HTR4: variants seen among roughly 807,000 people sequenced by gnomAD.
HTR4 encodes the protein 5-hydroxytryptamine (serotonin) receptor 4, G protein-coupled.
A neutral mutation model predicts 36.8 loss-of-function variants in HTR4; 16 were observed. That is an observed-to-expected ratio of 0.43 (90% CI 0.29 to 0.66). The LOEUF (loss-of-function observed/expected upper bound fraction) is 0.66, where lower values mean the gene tolerates loss of function less well. Ranked by LOEUF, HTR4 falls within the 30% of genes least tolerant of loss-of-function variation. HTR4 has a pLI of 0.13. For synonymous variants in HTR4, 189 were observed against 185.1 expected (o/e 1.02, Z -0.17); for missense variants, 438 against 490.9 (o/e 0.89, Z 1.02).
chr5:148,516,346 G>T (rs1757751825), intron 5 of HTR4, among the ~76,000 whole-genome samples: 1 of 111,310 alleles, frequency 9.0e-6, no homozygotes, highest in Non-Finnish European at 1.7e-5. Context: ...TTGAGACTAG[G>T]TCTTGCTGTG....
At chr5:148,462,222 A>C (rs1218940538) in intron 5 of HTR4, among the ~76,000 whole-genome samples, 1 of 152,038 alleles carries the variant, frequency 6.6e-6, no homozygotes, top group Non-Finnish European at 1.5e-5. Context: ...TCAATAAAAC[A>C]AAAAGCTAGT....
At chr5:148,526,687 A>G (rs1023002294) in intron 4 of HTR4, among the ~76,000 whole-genome samples, 1 of 152,200 alleles carries the variant, frequency 6.6e-6, no homozygotes, top group African/African-American at 2.4e-5. Context: ...ATGGGATATT[A>G]TTCCATCATA....
At chr5:148,596,511 T>C (rs1761780937) in intron 2 of HTR4, among the ~76,000 whole-genome samples, 1 of 152,180 alleles carries the variant, frequency 6.6e-6, no homozygotes, top group African/African-American at 2.4e-5. Context: ...TTCCCAATGC[T>C]GGCATTTTGG....
At chr5:148,527,000 A>G (rs1286924314) in intron 4 of HTR4, among the ~76,000 whole-genome samples, 2 of 152,222 alleles carry the variant, frequency 1.3e-5, no homozygotes, top group Admixed American at 6.5e-5. Flanking sequence ...CACTTATTGT[A>G]TCTTTCAAAA....
At chr5:148,464,002 A>G (rs1481379623) in intron 5 of HTR4, among the ~76,000 whole-genome samples, 2 of 150,280 alleles carry the variant, frequency 1.3e-5, no homozygotes, top group African/African-American at 4.9e-5. Flanking sequence ...TCTTGTCAAC[A>G]CATAGTGGTA....
chr5:148,514,386 T>C (rs1057314417), intron 5 of HTR4, among the ~76,000 whole-genome samples: 1 of 152,294 alleles, frequency 6.6e-6, no homozygotes, highest in Admixed American at 6.5e-5. Context: ...CCTTTTTTTA[T>C]TGATGCAATG....
intron 1 of HTR4, among the ~76,000 whole-genome samples, chr5:148,648,426 G>A (rs1481980704): frequency 2.0e-5 from 3 of 152,172 alleles, no homozygotes; most frequent in Non-Finnish European, 4.4e-5. Context: ...GCCCACTGAA[G>A]CATCAGAGTC....
chr5:148,507,679 C>T (rs1003032821), intron 6 of HTR4, among the ~76,000 whole-genome samples: 7 of 151,790 alleles, frequency 4.6e-5, no homozygotes, highest in East Asian at 1.9e-4. Context: ...GATTACCAGA[C>T]GCAGCAGGAT....
chr5:148,616,473 A>G (rs1238044451), intron 2 of HTR4, among the ~76,000 whole-genome samples: 1 of 152,136 alleles, frequency 6.6e-6, no homozygotes, highest in African/African-American at 2.4e-5. Context: ...CTGATAAATT[A>G]CAAGGGCATG....
chr5:148,588,498 G>A (rs1454545125), intron 2 of HTR4, among the ~76,000 whole-genome samples: 2 of 148,396 alleles, frequency 1.3e-5, no homozygotes, highest in Non-Finnish European at 3.0e-5. Flanking sequence ...CTAAAAGTCA[G>A]TGTATATCAT....
intron 2 of HTR4, among the ~76,000 whole-genome samples, chr5:148,572,154 T>A (rs908276570): frequency 6.6e-6 from 1 of 152,138 alleles, no homozygotes; most frequent in Admixed American, 6.6e-5. Context: ...CTGTGGCAGC[T>A]TTCCAAGATT....
rs1406713664 is a variant in HTR4, at chr5:148,639,904, A to G, written c.-47-2843T>C. Among the ~76,000 whole-genome samples, 5 of 152,160 alleles carry G rather than the reference A, an allele frequency of 3.3e-5. No individual in the cohort carries two copies. The East Asian group carries it at 9.6e-4, about 29-fold the overall frequency. On this transcript the variant is annotated intron_variant, in intron 1 of 6. Coordinates refer to ENST00000377888, the MANE Select transcript of HTR4 (RefSeq NM_000870.7). ...CTCAGAATAGAATATTGTAATTTAA[A>G]GAATAGCAAAAGTATTATATCTTAA...
intron 2 of HTR4, among the ~76,000 whole-genome samples, chr5:148,619,216 G>A (rs1032734589): frequency 5.3e-5 from 8 of 151,884 alleles, no homozygotes; most frequent in Non-Finnish European, 1.0e-4. Context: ...CCTTTTCACC[G>A]GACCTCTCTC....
intron 2 of HTR4, among the ~76,000 whole-genome samples, chr5:148,601,732 C>T (rs377460070): frequency 1.3e-3 from 191 of 152,136 alleles, no homozygotes; most frequent in African/African-American, 4.2e-3. Context: ...GCTTGGAAGG[C>T]GGAGGTTGCA....
At chr5:148,648,012 A>G (rs1753923699) in intron 1 of HTR4, among the ~76,000 whole-genome samples, 1 of 152,196 alleles carries the variant, frequency 6.6e-6, no homozygotes, top group Non-Finnish European at 1.5e-5. Flanking sequence ...ACAACTTTGC[A>G]ATTGTCCAAA....
At chr5:148,546,769 A>G (rs966315139) in intron 4 of HTR4, among the ~76,000 whole-genome samples, 4 of 152,146 alleles carry the variant, frequency 2.6e-5, no homozygotes, top group African/African-American at 9.7e-5. Flanking sequence ...CTCACTACTC[A>G]TTTTAACAAT....
At chr5:148,551,655 T>C (rs1227990258) in intron 2 of HTR4, among the ~76,000 whole-genome samples, 6 of 152,216 alleles carry the variant, frequency 3.9e-5, no homozygotes, top group African/African-American at 7.2e-5. Context: ...AGACCAGCGG[T>C]GTCCAATCTT....
chr5:148,587,661 T>C (rs1027701535), intron 2 of HTR4, among the ~76,000 whole-genome samples: 1 of 152,164 alleles, frequency 6.6e-6, no homozygotes, highest in South Asian at 2.1e-4. Context: ...TCTGTCACTT[T>C]ATATAACTAA....
intron 5 of HTR4, among the ~76,000 whole-genome samples, chr5:148,471,013 C>A (rs1755554281): frequency 6.6e-6 from 1 of 152,036 alleles, no homozygotes; most frequent in Non-Finnish European, 1.5e-5. Flanking sequence ...TTCTATTTTA[C>A]AGATAAGAAA....
Sources: gnomAD v4.1 joint callset for allele counts (sites outside exome capture counted in the v4.1 genomes callset) on GRCh38, gnomAD v4.1.1 for gene constraint, MANE v1.5 for transcripts, NCBI Gene and HGNC (gene_info 2026-07-23, HGNC 2026-07-21) for gene names.